UPK3BL1: variants seen among roughly 807,000 people sequenced by gnomAD.
The protein encoded by UPK3BL1 is uroplakin 3B like 1, also known as uroplakin-3b-like protein 1.
chr7:102,642,109 G>GA (rs775435358), intron 1 of UPK3BL1, among the ~76,000 whole-genome samples: 3 of 4,836 alleles, frequency 6.2e-4, no homozygotes, highest in Non-Finnish European at 8.5e-4. Flanking sequence ...ACTCTGTCTC[G>GA]AAAAAAAAAA....
chr7:102,641,420 GA>G (rs1791539286), intron 1 of UPK3BL1: 2 of 531,182 alleles, frequency 3.8e-6, no homozygotes, highest in South Asian at 1.2e-4. Context: ...TCGCCTTCAG[GA>G]CCAGGTCCCC....
intron 5 of UPK3BL1, among the ~76,000 whole-genome samples, chr7:102,638,168 C>CA (rs1791444872): frequency 6.8e-6 from 1 of 147,272 alleles, no homozygotes; most frequent in African/African-American, 2.5e-5. Context: ...GACACCCCCC[C>CA]CTTTTTTTTT....
chr7:102,638,168 CCTT>C (rs1562811608), intron 5 of UPK3BL1, among the ~76,000 whole-genome samples: 1 of 147,274 alleles, frequency 6.8e-6, no homozygotes, highest in East Asian at 2.0e-4. Flanking sequence ...GACACCCCCC[CCTT>C]TTTTTTTTTA....
chr7:102,639,997 GAAAAAA>G, intron 3 of UPK3BL1, among the ~76,000 whole-genome samples: 1 of 12,956 alleles, frequency 7.7e-5, no homozygotes, highest in Middle Eastern at 0.062. Context: ...AGAAGAAAAG[GAAAAAA>G]AAAAAAAAGA....
At position 102,639,963 on chromosome 7, in the gene UPK3BL1, C is replaced by CA. The variant is rs1554350613; in HGVS notation, c.485+240dup. 1.4e-3 allele frequency among the ~76,000 whole-genome samples: 17 copies of CA among 12,088 alleles called. 1 individual carries two copies. Among genetic ancestry groups the CA allele is most frequent in the African/African-American group, 4.0e-3 (15 of 3,770 alleles). 7.9% of individuals were successfully genotyped at this position (12,088 alleles called of 152,430 possible). ...CAAGACTCCATCTCAAAAAACAAAA[C>CA]AAAAAAAAAAAAAAAAAAGAAGAAG... On this transcript the variant is annotated intron_variant, in intron 3 of 5. Transcript: ENST00000340457.
intron 3 of UPK3BL1, among the ~76,000 whole-genome samples, chr7:102,639,963 C>CAAACAAAAAA (rs1554350614): frequency 2.5e-4 from 3 of 12,080 alleles, no homozygotes; most frequent in African/African-American, 8.0e-4. Context: ...AAAAACAAAA[C>CAAACAAAAAA]AAAAAAAAAA....
At chr7:102,637,802 C>T (rs1791433955) in intron 5 of UPK3BL1, among the ~76,000 whole-genome samples, 169 bp from the exon 6 acceptor site, 1 of 33,798 alleles carries the variant, frequency 3.0e-5, no homozygotes, top group East Asian at 4.6e-4. Flanking sequence ...TCAAACCTCA[C>T]AAATCTAGCT....
rs1418690419 is a variant in UPK3BL1, at chr7:102,639,982, GA to G, written c.485+221del. On this transcript the variant is annotated intron_variant, in intron 3 of 5. Coordinates refer to ENST00000340457, the MANE Select transcript of UPK3BL1 (RefSeq NM_001114403.3). ...ACAAAACAAAAAAAAAAAAAAAAAA[GA>G]AGAAGAAGAAAAGGAAAAAAAAAAA... is the stretch of plus-strand genomic sequence containing the variant. Among the ~76,000 whole-genome samples, 54 of 14,174 alleles carry G rather than the reference GA, an allele frequency of 3.8e-3. 13 individuals carry two copies. Among genetic ancestry groups the G allele is most frequent in the African/African-American group, 9.4e-3 (49 of 5,232 alleles). 9.3% of individuals were successfully genotyped at this position (14,174 alleles called of 152,430 possible). A position where few individuals can be genotyped will look rare whatever the true frequency, so the allele number is the denominator to read the frequency against.
chr7:102,639,963 C>CAAAAAAAA (rs1554350613), intron 3 of UPK3BL1, among the ~76,000 whole-genome samples: 179 of 12,016 alleles, frequency 0.015, no homozygotes, highest in African/African-American at 0.046. Flanking sequence ...AAAAACAAAA[C>CAAAAAAAA]AAAAAAAAAA....
chr7:102,642,118 AAAAAAAGAAAG>A (rs1791557523), intron 1 of UPK3BL1, among the ~76,000 whole-genome samples: 1 of 49,612 alleles, frequency 2.0e-5, no homozygotes, highest in Non-Finnish European at 3.6e-5. Flanking sequence ...CGAAAAAAAA[AAAAAAAGAAAG>A]AAAAAAAAGA....
chr7:102,639,983 A>AAAAAAG, intron 3 of UPK3BL1, among the ~76,000 whole-genome samples: 1 of 15,306 alleles, frequency 6.5e-5, no homozygotes, highest in Non-Finnish European at 1.3e-4. Flanking sequence ...AAAAAAAAAG[A>AAAAAAG]AGAAGAAGAA....
Position 102,637,419 on chromosome 7 carries a change from A to T in UPK3BL1, c.*106T>A, listed in dbSNP as rs1791422999. 1 of 479,186 alleles carries T rather than the reference A, an allele frequency of 2.1e-6. No individual in the cohort carries two copies. The highest frequency in any genetic ancestry group is 2.0e-5 in the African/African-American group (1 of 50,368). 29.7% of individuals were successfully genotyped at this position (479,186 alleles called of 1,614,324 possible). On this transcript the variant is annotated 3_prime_UTR_variant, in exon 6 of 6. Coordinates refer to ENST00000340457, the MANE Select transcript of UPK3BL1 (RefSeq NM_001114403.3). ...AAAAAAAAAAATAGTAAAGAAAAGA[A>T]ACAATCTCTCTCAGGGTCCAGAAGC... is the stretch of plus-strand genomic sequence containing the variant.
rs76714921 is a variant in UPK3BL1 at position 102,641,728 on chromosome 7, A to T, written c.112+902T>A. The T allele has an allele frequency of 8.8e-5, 56 of 636,106 alleles. 2 individuals carry two copies. In the East Asian group the frequency reaches 1.5e-3, roughly 17 times the overall value. 39.4% of individuals were successfully genotyped at this position (636,106 alleles called of 1,614,324 possible). A position where few individuals can be genotyped will look rare whatever the true frequency, so the allele number is the denominator to read the frequency against. Reference sequence around the variant, plus strand: ...GTTCAGGCTAGAGTCTTCCTTGGGGAAGGATTGTCACGATTCCTTTCTTAC... The same window carrying T: ...GTTCAGGCTAGAGTCTTCCTTGGGGTAGGATTGTCACGATTCCTTTCTTAC... On this transcript the variant is annotated intron_variant, in intron 1 of 5. Transcript: ENST00000340457.
At chr7:102,638,168 C>CG (rs1791444872) in intron 5 of UPK3BL1, among the ~76,000 whole-genome samples, 1 of 147,274 alleles carries the variant, frequency 6.8e-6, no homozygotes, top group African/African-American at 2.5e-5. Flanking sequence ...GACACCCCCC[C>CG]CTTTTTTTTT....
At chr7:102,641,425 G>A (rs1791539911) in intron 1 of UPK3BL1, 1 of 530,920 alleles carries the variant, frequency 1.9e-6, no homozygotes, top group African/African-American at 2.5e-5. Flanking sequence ...TTCAGGACCA[G>A]GTCCCCCTCT....
At chr7:102,641,867 T>G in intron 1 of UPK3BL1, among the ~76,000 whole-genome samples, 1 of 71,546 alleles carries the variant, frequency 1.4e-5, no homozygotes, top group Non-Finnish European at 3.4e-5. Flanking sequence ...TCCCAGCACT[T>G]TGGGAGACTA....
At chr7:102,640,051 T>C (rs1222056189) in intron 3 of UPK3BL1, among the ~76,000 whole-genome samples, 153 bp downstream of exon 3, 1 of 13,482 alleles carries the variant, frequency 7.4e-5, no homozygotes, top group Admixed American at 6.5e-4. Flanking sequence ...AAGGCCTCCC[T>C]AGCCCCTGCC....
intron 4 of UPK3BL1, 90 bp from the exon 5 acceptor site, chr7:102,638,924 A>G: frequency 7.2e-7 from 1 of 1,385,684 alleles, no homozygotes; most frequent in South Asian, 1.4e-5. Flanking sequence ...CAGACCAATC[A>G]CCGCCCTGCC....
At chr7:102,641,062 A>C in intron 1 of UPK3BL1, 1 of 165,428 alleles carries the variant, frequency 6.0e-6, no homozygotes. Flanking sequence ...CCCTGGCGGT[A>C]GGCACAGTTC....
Sources: allele counts gnomAD v4.1 joint callset (sites outside exome capture counted in the v4.1 genomes callset), GRCh38; gene constraint gnomAD v4.1.1; transcripts MANE v1.5; gene names NCBI Gene and HGNC (gene_info 2026-07-23, HGNC 2026-07-21).